Variants in COL26A1 observed in about 807,000 individuals in gnomAD.
COL26A1 encodes collagen alpha-1(XXVI) chain.
In COL26A1, 41 loss-of-function variants were observed where a neutral mutation model predicts 59.3. The observed-to-expected ratio is 0.69, with a 90% CI of 0.54 to 0.90. COL26A1 has a LOEUF of 0.90. Among genes scored for constraint, COL26A1 ranks in the 40% least tolerant of loss-of-function variants. COL26A1 has a pLI of 0.00. For missense variants in COL26A1, 612 were observed against 602.3 expected, an observed-to-expected ratio of 1.02 and a Z score of -0.17; for synonymous variants, 266 against 256.0, an observed-to-expected ratio of 1.04 and a Z score of -0.37.
intron 1 of COL26A1, among the ~76,000 whole-genome samples, chr7:101,415,760 G>A (rs1476502499): frequency 2.0e-5 from 3 of 152,090 alleles, no homozygotes; most frequent in Non-Finnish European, 4.4e-5. Flanking sequence ...CTCCCGAGTA[G>A]CTGGGACCAC....
upstream of COL26A1, chr7:101,362,831 C>T (rs1790921750): frequency 3.6e-6 from 2 of 562,874 alleles, no homozygotes; most frequent in South Asian, 2.2e-5. Context: ...GGCTTAGAGC[C>T]CACCTCGCCG....
At position 101,420,592 on chromosome 7, in the gene COL26A1, C is replaced by T. The variant is rs77131483; in HGVS notation, c.281+493C>T. Among the ~76,000 whole-genome samples, 68 of 152,106 alleles carry T rather than the reference C, an allele frequency of 4.5e-4. 1 individual carries two copies. In the East Asian group the frequency reaches 0.013, roughly 29 times the overall value. On this transcript the variant is annotated intron_variant, in intron 2 of 12. Transcript: ENST00000313669. ...CTGGACCTGCCCCTCACGAGGCCTG[C>T]CTTTCACCAGCCCTGACCCTCATGA...
rs1365415807 is a variant in COL26A1, at chr7:101,551,158, T to C, written c.1029+15T>C. 6.7e-7 allele frequency: 1 copy of C among 1,493,008 alleles called. No individual in the cohort carries two copies. The highest frequency in any genetic ancestry group is 1.2e-5 in the South Asian group (1 of 83,320). The allele number at this position is 1,493,008 out of a possible 1,614,324, so 92.5% of individuals were successfully genotyped here. ...TGGGGCCGTCCGTAAGTGTGGGCTGTGCAGATGGGCCTGGGCCACTCCCAG... is the reference window on the plus strand; with the variant it reads ...TGGGGCCGTCCGTAAGTGTGGGCTGCGCAGATGGGCCTGGGCCACTCCCAG... On this transcript the variant is annotated intron_variant, in intron 10 of 12. Coordinates refer to ENST00000313669, the MANE Select transcript of COL26A1 (RefSeq NM_001278563.3).
intron 3 of COL26A1, among the ~76,000 whole-genome samples, chr7:101,486,984 A>T (rs1401592142): frequency 6.6e-6 from 1 of 152,082 alleles, no homozygotes; most frequent in Non-Finnish European, 1.5e-5. Flanking sequence ...CTGGAGGGGG[A>T]GGAAGGGAGC....
chr7:101,500,540 G>A (rs1193653848), intron 3 of COL26A1, among the ~76,000 whole-genome samples: 1 of 152,190 alleles, frequency 6.6e-6, no homozygotes, highest in Non-Finnish European at 1.5e-5. Flanking sequence ...ATACCGGACC[G>A]GGCGCGGTGC....
intron 1 of COL26A1, among the ~76,000 whole-genome samples, chr7:101,411,206 G>T (rs1229310491): frequency 6.6e-6 from 1 of 152,120 alleles, no homozygotes; most frequent in Non-Finnish European, 1.5e-5. Context: ...GGTTGGGGTC[G>T]GAGCAACAGA....
intron 7 of COL26A1, 129 bp from the exon 8 acceptor site, chr7:101,547,027 C>T (rs1795749866): frequency 3.3e-6 from 2 of 604,892 alleles, no homozygotes; most frequent in South Asian, 2.1e-5. Context: ...CTGCAGCGGG[C>T]CCCAGGGTGA....
intron 2 of COL26A1, among the ~76,000 whole-genome samples, chr7:101,443,068 T>C (rs1186300006): frequency 6.6e-6 from 1 of 152,128 alleles, no homozygotes; most frequent in Non-Finnish European, 1.5e-5. Flanking sequence ...TGCATGTATG[T>C]GAGTGTGTGT....
Position 101,446,256 on chromosome 7 carries a change from G to A in COL26A1, c.282-1428G>A, listed in dbSNP as rs561212632. On this transcript the variant is annotated intron_variant, in intron 2 of 12. Transcript: ENST00000313669. ...ATTACATTTCAACCTGAGATCTGGA[G>A]TTTGGACAAATATCCAAACCCTATC... 7.2e-5 allele frequency among the ~76,000 whole-genome samples: 11 copies of A among 152,224 alleles called. No individual in the cohort carries two copies. In the South Asian group the frequency reaches 2.3e-3, roughly 32 times the overall value.
At chr7:101,385,698 A>G (rs1224496800) in intron 1 of COL26A1, among the ~76,000 whole-genome samples, 1 of 148,204 alleles carries the variant, frequency 6.7e-6, no homozygotes, top group Non-Finnish European at 1.5e-5. Context: ...ATTTTTTTTA[A>G]TTTTTTAATT....
intron 3 of COL26A1, among the ~76,000 whole-genome samples, chr7:101,456,402 C>T (rs373002789): frequency 2.6e-5 from 4 of 151,688 alleles, no homozygotes; most frequent in Admixed American, 2.0e-4. Flanking sequence ...TGTCTGGGCG[C>T]GGTGTCTCAC....
At chr7:101,428,906 A>G (rs1414377085) in intron 2 of COL26A1, among the ~76,000 whole-genome samples, 1 of 150,222 alleles carries the variant, frequency 6.7e-6, no homozygotes, top group Non-Finnish European at 1.5e-5. Flanking sequence ...CTAATTTATC[A>G]ATTTTCTTTT....
At chr7:101,436,523 G>A (rs1269461854) in intron 2 of COL26A1, among the ~76,000 whole-genome samples, 2 of 152,076 alleles carry the variant, frequency 1.3e-5, no homozygotes, top group African/African-American at 4.8e-5. Context: ...GGCTCCCCCA[G>A]GCAAGGTTCT....
chr7:101,378,897 C>G (rs1791382762), intron 1 of COL26A1, among the ~76,000 whole-genome samples: 1 of 151,962 alleles, frequency 6.6e-6, no homozygotes, highest in South Asian at 2.1e-4. Flanking sequence ...GTCCCTGGAT[C>G]AGGGTTTGTT....
In COL26A1 at chr7:101,555,791, AG is replaced by A; in HGVS notation, c.1090del (p.Val364CysfsTer4). ...TGCCTGTTTCCTCCCCGCCAGGGCGAGGGGGTGCAGCAGCTGAGAGAGGCCC... is the reference window on the plus strand; with the variant it reads ...TGCCTGTTTCCTCCCCGCCAGGGCGAGGGGTGCAGCAGCTGAGAGAGGCCC... ...EGEKAATAEG[E>X]GVQQLREALK... On this transcript the variant is annotated frameshift_variant, in exon 12 of 13. Transcript: ENST00000313669. LOFTEE classifies it high-confidence loss of function. The A allele has an allele frequency of 6.2e-7, 1 of 1,609,054 alleles. No homozygotes were observed.
At chr7:101,422,646 CTTTCT>C (rs1406829128) in intron 2 of COL26A1, among the ~76,000 whole-genome samples, 21 of 69,694 alleles carry the variant, frequency 3.0e-4, no homozygotes, top group Middle Eastern at 0.016. Context: ...CTCTTTCTTT[CTTTCT>C]TTTTTTTTGG....
chr7:101,429,808 G>A (rs1792738869), intron 2 of COL26A1, among the ~76,000 whole-genome samples: 2 of 151,700 alleles, frequency 1.3e-5, no homozygotes, highest in Non-Finnish European at 1.5e-5. Context: ...ACATTGCCCA[G>A]GTTCGTCTCA....
intron 3 of COL26A1, among the ~76,000 whole-genome samples, chr7:101,523,984 T>C (rs1007053352): frequency 1.3e-5 from 2 of 151,858 alleles, no homozygotes; most frequent in African/African-American, 2.4e-5. Context: ...AAAACAACAA[T>C]TGTGGCCAGG....
At chr7:101,434,330 T>C (rs1792863198) in intron 2 of COL26A1, among the ~76,000 whole-genome samples, 1 of 151,746 alleles carries the variant, frequency 6.6e-6, no homozygotes, top group African/African-American at 2.4e-5. Flanking sequence ...CATGGCTCAC[T>C]GCAGCCTCCA....
Sources: gnomAD v4.1 joint callset for allele counts (sites outside exome capture counted in the v4.1 genomes callset) on GRCh38, gnomAD v4.1.1 for gene constraint, MANE v1.5 for transcripts, NCBI Gene and HGNC (gene_info 2026-07-23, HGNC 2026-07-21) for gene names.